Variants in AMBRA1 observed in about 807,000 individuals in gnomAD.
AMBRA1 encodes activating molecule in BECN1-regulated autophagy protein 1.
AMBRA1 carries 47 observed loss-of-function variants against 125.4 expected under a neutral mutation model. That is an observed-to-expected ratio of 0.37 (90% CI 0.30 to 0.48). AMBRA1 has a LOEUF of 0.48. Ranked by LOEUF, AMBRA1 falls within the 20% of genes least tolerant of loss-of-function variation. AMBRA1 has a pLI of 0.99. For synonymous variants in AMBRA1, 626 were observed against 655.5 expected, an observed-to-expected ratio of 0.95 and a Z score of 0.69; for missense variants, 1,331 against 1,693.4, an observed-to-expected ratio of 0.79 and a Z score of 3.76.
intron 11 of AMBRA1, among the ~76,000 whole-genome samples, chr11:46,493,015 C>A (rs1950519403): frequency 6.6e-6 from 1 of 152,234 alleles, no homozygotes; most frequent in Non-Finnish European, 1.5e-5. Context: ...TGCCACTGCA[C>A]TCCAGCCTGG....
chr11:46,583,101 T>C (rs2044234245), intron 1 of AMBRA1, among the ~76,000 whole-genome samples: 1 of 152,122 alleles, frequency 6.6e-6, no homozygotes, highest in South Asian at 2.1e-4. Context: ...CTTCAAACTA[T>C]ACTACAAGGC....
intron 7 of AMBRA1, among the ~76,000 whole-genome samples, chr11:46,527,933 T>A (rs1196444290): frequency 6.6e-6 from 1 of 152,154 alleles, no homozygotes; most frequent in Non-Finnish European, 1.5e-5. Flanking sequence ...AACTACCATA[T>A]GTCCAGCAAT....
At chr11:46,459,569 G>C (rs1353972442) in intron 11 of AMBRA1, among the ~76,000 whole-genome samples, 1 of 151,894 alleles carries the variant, frequency 6.6e-6, no homozygotes, top group Non-Finnish European at 1.5e-5. Flanking sequence ...AAAGTAGCTG[G>C]GCATGGTGGC....
intron 11 of AMBRA1, among the ~76,000 whole-genome samples, chr11:46,490,402 A>T (rs1950419287): frequency 6.6e-6 from 1 of 152,114 alleles, no homozygotes; most frequent in Non-Finnish European, 1.5e-5. Flanking sequence ...TTTTCTCTTT[A>T]TTTTTTAATA....
intron 9 of AMBRA1, 26 bp from the exon 10 acceptor site, chr11:46,494,230 TAA>T: frequency 6.4e-7 from 1 of 1,554,208 alleles, no homozygotes; most frequent in Non-Finnish European, 8.8e-7. Flanking sequence ...ACACTACACA[TAA>T]GAGAGTCACT....
chr11:46,528,396 C>A (rs1478399957), intron 7 of AMBRA1, among the ~76,000 whole-genome samples: 3 of 152,328 alleles, frequency 2.0e-5, no homozygotes, highest in African/African-American at 7.2e-5. Flanking sequence ...GTCTCGAACA[C>A]CTGACCTCAA....
chr11:46,416,461 T>C (rs1242467847), intron 15 of AMBRA1, among the ~76,000 whole-genome samples: 1 of 152,220 alleles, frequency 6.6e-6, no homozygotes, highest in Non-Finnish European at 1.5e-5. Flanking sequence ...CAGTAGTCTG[T>C]CTTTGGGAGG....
At chr11:46,445,736 T>A (rs1227035939) in intron 11 of AMBRA1, among the ~76,000 whole-genome samples, 1 of 152,222 alleles carries the variant, frequency 6.6e-6, no homozygotes, top group East Asian at 1.9e-4. Flanking sequence ...CTTTGACCAC[T>A]AGTCTCTCAA....
chr11:46,402,098 G>T (rs1945791971), intron 17 of AMBRA1, among the ~76,000 whole-genome samples: 1 of 152,216 alleles, frequency 6.6e-6, no homozygotes. Context: ...GCTAGAAGGG[G>T]ATGCTCCTTC....
chr11:46,408,474 G>T, intron 17 of AMBRA1, 39 bp downstream of exon 17: 1 of 1,473,590 alleles, frequency 6.8e-7, no homozygotes, highest in Non-Finnish European at 9.0e-7. Flanking sequence ...CGGTCTTAGG[G>T]TCCCTCTCCC....
chr11:46,398,014 A>G, intron 17 of AMBRA1, 71 bp from the exon 18 acceptor site: 2 of 1,512,806 alleles, frequency 1.3e-6, no homozygotes, highest in South Asian at 2.6e-5. Flanking sequence ...GTGGGCAGCC[A>G]CCGGTAGCAG....
At position 46,397,378 on chromosome 11, in the gene AMBRA1, A is replaced by ACAT. The variant is rs1253095575; in HGVS notation, c.*71_*72insATG. On this transcript the variant is annotated 3_prime_UTR_variant, in exon 18 of 18. Coordinates refer to ENST00000683756, the MANE Select transcript of AMBRA1 (RefSeq NM_001387011.1). ...CAGCCAGCAGCTCTTCCACATGTCC[A>ACAT]GTTCCCAGTCAGCTGTGAGGTCCGG... The ACAT allele has an allele frequency of 7.0e-7, 1 of 1,432,736 alleles. No individual in the cohort carries two copies. The highest frequency in any genetic ancestry group is 9.2e-7 in the Non-Finnish European group (1 of 1,092,894). The allele number at this position is 1,432,736 out of a possible 1,614,324, so 88.8% of individuals were successfully genotyped here.
intron 14 of AMBRA1, among the ~76,000 whole-genome samples, chr11:46,423,743 C>T (rs1946972749): frequency 6.8e-6 from 1 of 147,914 alleles, no homozygotes; most frequent in South Asian, 2.1e-4. Context: ...GACTAACTCA[C>T]AGGCAGTGCA....
At chr11:46,582,271 A>G (rs1217274216) in intron 1 of AMBRA1, among the ~76,000 whole-genome samples, 1 of 152,132 alleles carries the variant, frequency 6.6e-6, no homozygotes, top group African/African-American at 2.4e-5. Flanking sequence ...TCCCATCCTG[A>G]GAATTTCATA....
intron 17 of AMBRA1, among the ~76,000 whole-genome samples, chr11:46,400,473 G>GT (rs553040136): frequency 0.012 from 589 of 48,864 alleles, 202 homozygotes; most frequent in Non-Finnish European, 0.018. Flanking sequence ...TCTTTCTATA[G>GT]TTTTTTTTTT....
chr11:46,490,726 C>A (rs1005903017), intron 11 of AMBRA1, among the ~76,000 whole-genome samples: 1 of 152,168 alleles, frequency 6.6e-6, no homozygotes, highest in Admixed American at 6.5e-5. Context: ...CCACTTATGT[C>A]TGGAGTAAGA....
Position 46,443,613 on chromosome 11 carries a change from G to T in AMBRA1, c.2522-15C>A. On this transcript the variant is annotated splice_polypyrimidine_tract_variant and intron_variant, in intron 11 of 17. Transcript: ENST00000683756. ...GATCACTGCCCCTTATGAGGAAGAA[G>T]TCAAAGACAGCACATTATATTATTT... The T allele has an allele frequency of 6.3e-7, 1 of 1,592,900 alleles. No homozygotes were observed. Among genetic ancestry groups the T allele is most frequent in the Non-Finnish European group, 8.6e-7 (1 of 1,161,262 alleles).
intron 7 of AMBRA1, among the ~76,000 whole-genome samples, chr11:46,517,470 G>GTTTTT (rs768814141): frequency 6.2e-5 from 6 of 96,154 alleles, no homozygotes; most frequent in East Asian, 3.5e-4. Flanking sequence ...TATTAATAAG[G>GTTTTT]TTTTTTTTTT....
At chr11:46,508,850 G>C (rs531594664) in intron 8 of AMBRA1, among the ~76,000 whole-genome samples, 2 of 152,300 alleles carry the variant, frequency 1.3e-5, no homozygotes, top group Admixed American at 6.5e-5. Flanking sequence ...ATTAAAGAAG[G>C]TATCCACAGG....
Sources: allele counts gnomAD v4.1 joint callset (sites outside exome capture counted in the v4.1 genomes callset), GRCh38; gene constraint gnomAD v4.1.1; transcripts MANE v1.5; gene names NCBI Gene and HGNC (gene_info 2026-07-23, HGNC 2026-07-21).